The following HSD11B1 variants were observed in gnomAD, a reference collection of about 807,000 sequenced individuals.
The protein encoded by HSD11B1 is hydroxysteroid 11-beta dehydrogenase 1, also known as 11-beta-hydroxysteroid dehydrogenase 1.
A neutral mutation model predicts 22.1 loss-of-function variants in HSD11B1; 15 were observed. The ratio of observed to expected loss-of-function variants is 0.68; its 90% confidence interval spans 0.45 to 1.04. The LOEUF (loss-of-function observed/expected upper bound fraction) is 1.04. Among genes scored for constraint, HSD11B1 ranks in the 50% least tolerant of loss-of-function variants. The pLI is 0.00. For missense variants in HSD11B1, 281 were observed against 357.6 expected (o/e 0.79, Z 1.73); for synonymous variants, 122 against 125.2 (o/e 0.97, Z 0.17).
Position 209,705,003 on chromosome 1 carries a change from T to G in HSD11B1, c.61T>G (p.Tyr21Asp). 1 of 1,613,866 alleles carries G rather than the reference T, an allele frequency of 6.2e-7. No individual in the cohort carries two copies. The highest frequency in any genetic ancestry group is 8.5e-7 in the Non-Finnish European group (1 of 1,179,784). ...ILGLFMAYYY[Y>D]SANEEFRPEM... ...GGGGCTCTTCATGGCCTACTACTAC[T>G]ATTCTGCAAACGAGGAATTCAGACC... is the stretch of plus-strand genomic sequence containing the variant. The change falls in exon 1 of 6, where the codon TAT (tyrosine) becomes GAT (aspartate). Residue 21 changes from tyrosine (Y) to aspartate (D), a missense_variant. Coordinates refer to ENST00000367027, the MANE Select transcript of HSD11B1 (RefSeq NM_005525.4).
chr1:209,729,572 T>G (rs1205444888), intron 4 of HSD11B1, among the ~76,000 whole-genome samples: 2 of 152,060 alleles, frequency 1.3e-5, no homozygotes, highest in Non-Finnish European at 2.9e-5. Flanking sequence ...AGCCATTACA[T>G]CCACCTTCAG....
chr1:209,689,275 A>G (rs1289839026), intron 1 of HSD11B1, among the ~76,000 whole-genome samples: 1 of 152,158 alleles, frequency 6.6e-6, no homozygotes, highest in Non-Finnish European at 1.5e-5. Context: ...AGAATTAAGG[A>G]TTCTTCCCTG....
At chr1:209,729,295 G>T (rs1434499753) in intron 4 of HSD11B1, among the ~76,000 whole-genome samples, 1 of 151,846 alleles carries the variant, frequency 6.6e-6, no homozygotes, top group Non-Finnish European at 1.5e-5. Flanking sequence ...GGAGGCAAAA[G>T]TTGCAGTGAG....
chr1:209,694,855 T>G (rs1312301131), intron 1 of HSD11B1, among the ~76,000 whole-genome samples: 1 of 152,154 alleles, frequency 6.6e-6, no homozygotes, highest in African/African-American at 2.4e-5. Context: ...TTGGGGAAGG[T>G]GAGGTGGCCA....
In HSD11B1 at chr1:209,732,479, G is replaced by A. The variant is rs756817759; in HGVS notation, c.561G>A (p.Lys187=). ...TGGTTGCTGCCTATTCTGCAAGCAA[G>A]TTTGCTTTGGATGGGTTCTTCTCCT... is the stretch of plus-strand genomic sequence containing the variant. ...YPMVAAYSAS[K]FALDGFFSSI... is the part of the protein sequence containing the mutation. Residue 187 remains lysine (K), a synonymous_variant, in exon 5 of 6, where the codon AAG becomes AAA. Transcript: ENST00000367027. 10 of 1,613,980 alleles carry A rather than the reference G, an allele frequency of 6.2e-6. No homozygotes were observed. Among genetic ancestry groups the A allele is most frequent in the Non-Finnish European group, 8.5e-6 (10 of 1,179,994 alleles).
chr1:209,730,571 G>A lies in HSD11B1; in HGVS notation c.518-1865G>A, dbSNP rs575137952. 5.9e-5 allele frequency among the ~76,000 whole-genome samples: 9 copies of A among 152,272 alleles called. No homozygotes were observed. In the East Asian group the frequency reaches 9.6e-4, roughly 16 times the overall value. On this transcript the variant is annotated intron_variant, in intron 4 of 5. Transcript: ENST00000367027. ...AGCATTTTAAAATGATTACGTTGCT[G>A]TCCTGAACAAAATCAGACTCTATTA...
intron 4 of HSD11B1, among the ~76,000 whole-genome samples, chr1:209,712,189 AT>A (rs2076902270): frequency 6.6e-6 from 1 of 152,336 alleles, no homozygotes; most frequent in East Asian, 1.9e-4. Context: ...ATGTGCCCAA[AT>A]TAGACTCAGT....
intron 1 of HSD11B1, among the ~76,000 whole-genome samples, chr1:209,687,427 A>G (rs997416530): frequency 1.3e-5 from 2 of 152,246 alleles, no homozygotes; most frequent in African/African-American, 4.8e-5. Flanking sequence ...CCCTGTCATT[A>G]GGATGATATG....
chr1:209,702,910 C>CT (rs1441949646), upstream of HSD11B1, among the ~76,000 whole-genome samples: 1 of 152,340 alleles, frequency 6.6e-6, no homozygotes, highest in East Asian at 1.9e-4. Context: ...ATGAAACTCA[C>CT]TTTATTGGAT....
intron 4 of HSD11B1, chr1:209,724,228 C>A (rs1233164008): frequency 6.6e-6 from 1 of 152,222 alleles, no homozygotes; most frequent in Non-Finnish European, 1.5e-5. Context: ...CAGATTGAGT[C>A]AGACCCCAGT....
intron 4 of HSD11B1, among the ~76,000 whole-genome samples, chr1:209,716,289 A>G (rs2102383449): frequency 6.6e-6 from 1 of 152,128 alleles, no homozygotes; most frequent in African/African-American, 2.4e-5. Flanking sequence ...ATATGCTAAC[A>G]GCGATCAATC....
chr1:209,714,576 T>C (rs982640310), intron 4 of HSD11B1, among the ~76,000 whole-genome samples: 2 of 152,218 alleles, frequency 1.3e-5, no homozygotes, highest in South Asian at 2.1e-4. Flanking sequence ...TTTCCCTCCA[T>C]ATTTCCTTTC....
chr1:209,726,839 G>T (rs1474254652), intron 4 of HSD11B1, among the ~76,000 whole-genome samples: 1 of 152,162 alleles, frequency 6.6e-6, no homozygotes, highest in Non-Finnish European at 1.5e-5. Context: ...AAAAATAACT[G>T]CTCTAGGAAT....
intron 4 of HSD11B1, among the ~76,000 whole-genome samples, chr1:209,723,418 G>A (rs1293529983): frequency 6.6e-6 from 1 of 152,186 alleles, no homozygotes; most frequent in South Asian, 2.1e-4. Context: ...CTCATAGGGT[G>A]CAATCAGAAA....
intron 1 of HSD11B1, among the ~76,000 whole-genome samples, chr1:209,696,948 A>G (rs2076794727): frequency 6.6e-6 from 1 of 152,252 alleles, no homozygotes; most frequent in African/African-American, 2.4e-5. Context: ...AAGAGCTGAA[A>G]GAGTGCAGAA....
chr1:209,695,131 T>C (rs184428273), intron 1 of HSD11B1, among the ~76,000 whole-genome samples: 20 of 152,378 alleles, frequency 1.3e-4, no homozygotes, highest in Non-Finnish European at 2.6e-4. Flanking sequence ...CCTGCCACCA[T>C]GTAAGATGTG....
intron 4 of HSD11B1, among the ~76,000 whole-genome samples, chr1:209,713,259 A>T (rs1033465952): frequency 3.9e-5 from 6 of 152,324 alleles, no homozygotes; most frequent in African/African-American, 1.4e-4. Flanking sequence ...ATCTGTATCC[A>T]TAGCTGTATC....
intron 4 of HSD11B1, among the ~76,000 whole-genome samples, chr1:209,717,163 A>G (rs1031302285): frequency 6.6e-6 from 1 of 152,196 alleles, no homozygotes; most frequent in Non-Finnish European, 1.5e-5. Context: ...TGCGACAAGG[A>G]CTAATATCCA....
chr1:209,704,208 AAAT>A, upstream of HSD11B1, among the ~76,000 whole-genome samples: 1 of 152,212 alleles, frequency 6.6e-6, no homozygotes, highest in Middle Eastern at 3.4e-3. Context: ...TTCTCTGTTA[AAAT>A]AATAAGTGTA....
Sources: gnomAD v4.1 joint callset for allele counts (sites outside exome capture counted in the v4.1 genomes callset) on GRCh38, gnomAD v4.1.1 for gene constraint, MANE v1.5 for transcripts, NCBI Gene and HGNC (gene_info 2026-07-23, HGNC 2026-07-21) for gene names.